Variants in INVS observed in about 807,000 individuals in gnomAD.
INVS encodes the protein inversion of embryo turning homolog.
A neutral mutation model predicts 108.8 loss-of-function variants in INVS; 86 were observed. That is an observed-to-expected ratio of 0.79 (90% confidence interval 0.66 to 0.95). INVS has a LOEUF of 0.95. Ranked by LOEUF, INVS falls within the 40% of genes least tolerant of loss-of-function variation. INVS has a pLI of 0.00. For missense variants in INVS, 1,169 were observed against 1,297.4 expected (o/e 0.90, Z 1.52); for synonymous variants, 455 against 473.5 (o/e 0.96, Z 0.51).
chr9:100,254,591 A>C (rs1235227320), intron 10 of INVS, among the ~76,000 whole-genome samples: 1 of 151,998 alleles, frequency 6.6e-6, no homozygotes, highest in Non-Finnish European at 1.5e-5. Flanking sequence ...ATTAATTTTT[A>C]TATAAGGTAT....
intron 3 of INVS, among the ~76,000 whole-genome samples, chr9:100,153,863 A>G (rs1474635467): frequency 1.3e-5 from 2 of 152,244 alleles, no homozygotes; most frequent in Non-Finnish European, 2.9e-5. Flanking sequence ...ATCCATTCAT[A>G]AGGGCAGAGC....
At chr9:100,192,377 T>C (rs1456214765) in intron 3 of INVS, among the ~76,000 whole-genome samples, 1 of 152,128 alleles carries the variant, frequency 6.6e-6, no homozygotes, top group Non-Finnish European at 1.5e-5. Context: ...TATCATAGCT[T>C]ATTCTTTCTC....
At chr9:100,239,925 T>C in intron 5 of INVS, 135 bp from the exon 6 acceptor site, 2 of 773,990 alleles carry the variant, frequency 2.6e-6, no homozygotes, top group Non-Finnish European at 4.4e-6. Flanking sequence ...GCTGTGATCA[T>C]GCCACTGTAC....
intron 2 of INVS, among the ~76,000 whole-genome samples, chr9:100,123,672 G>A (rs909901328): frequency 1.3e-5 from 2 of 152,100 alleles, no homozygotes; most frequent in Non-Finnish European, 2.9e-5. Flanking sequence ...ATGTTTTGAG[G>A]AACTTCCAGA....
intron 12 of INVS, among the ~76,000 whole-genome samples, chr9:100,274,507 G>T (rs1320633104): frequency 6.6e-6 from 1 of 151,430 alleles, no homozygotes; most frequent in African/African-American, 2.4e-5. Flanking sequence ...GATGTGGACA[G>T]GCAGATTCTT....
intron 5 of INVS, among the ~76,000 whole-genome samples, chr9:100,232,050 T>G (rs1050345753): frequency 2.0e-5 from 3 of 152,214 alleles, no homozygotes; most frequent in Non-Finnish European, 4.4e-5. Context: ...CCATTCTAAC[T>G]GGCATGAGAT....
intron 4 of INVS, among the ~76,000 whole-genome samples, chr9:100,227,078 AG>A (rs1471174464): frequency 6.6e-6 from 1 of 152,182 alleles, no homozygotes; most frequent in African/African-American, 2.4e-5. Context: ...GTATGGAAAA[AG>A]GTTAATAGGA....
intron 3 of INVS, among the ~76,000 whole-genome samples, chr9:100,165,508 A>G (rs12005926): frequency 0.21 from 31,953 of 152,074 alleles, 5,713 homozygotes; most frequent in African/African-American, 0.49. Context: ...CAGTTCATAT[A>G]GGAAAGGAAG....
Position 100,242,615 on chromosome 9 carries a change from G to T in INVS, c.842G>T (p.Gly281Val). The T allele has an allele frequency of 1.2e-6, 2 of 1,612,490 alleles. No homozygotes were observed. The highest frequency in any genetic ancestry group is 1.7e-6 in the Non-Finnish European group (2 of 1,178,768). Residue 281 changes from glycine (G) to valine (V), a missense_variant, in exon 7 of 17, where the codon GGA (glycine) becomes GTA (valine). By Grantham distance (109) the Gly-to-Val change is moderately radical. Around this residue, in one of 3 missense-constraint regions of INVS, gnomAD observed 365 missense variants for 397.5 expected, o/e 0.92. Transcript: ENST00000262457. ...CTCCTTTTAGAAAGAAATAAGTCTG[G>T]AACTATCCCATCTGACAGCCAAGGA... is the stretch of plus-strand genomic sequence containing the variant. Reference protein sequence around the residue: ...VHLLLERNKSGTIPSDSQGAT... With the variant: ...VHLLLERNKSVTIPSDSQGAT...
In INVS at chr9:100,100,924, A is replaced by C. The variant is rs1410548806; in HGVS notation, c.-25+1508A>C. The stretch of plus-strand genomic sequence containing the variant: ...ATATGTATATATATTATATGTATAT[A>C]TATAATATATATAATATATATACAT... On this transcript the variant is annotated intron_variant, in intron 1 of 16. Coordinates refer to ENST00000262457, the MANE Select transcript of INVS (RefSeq NM_014425.5). 8.8e-5 allele frequency among the ~76,000 whole-genome samples: 3 copies of C among 34,134 alleles called. No homozygotes were observed. The Admixed American group carries it at 1.6e-3, about 18-fold the overall frequency. 22.4% of individuals were successfully genotyped at this position (34,134 alleles called of 152,430 possible).
At chr9:100,209,409 C>G (rs1395769991) in intron 3 of INVS, among the ~76,000 whole-genome samples, 1 of 152,088 alleles carries the variant, frequency 6.6e-6, no homozygotes, top group Non-Finnish European at 1.5e-5. Context: ...AGGAAAAATT[C>G]AGTGATTTGC....
At position 100,142,650 on chromosome 9, in the gene INVS, CAG is replaced by C. The variant is rs371292964; in HGVS notation, c.273+16106_273+16107del. On this transcript the variant is annotated intron_variant, in intron 3 of 16. Coordinates refer to ENST00000262457, the MANE Select transcript of INVS (RefSeq NM_014425.5). ...GAATATAGCTGAAGGAGCCAGGGAG[CAG>C]AGAGTATATGCATCAGGTATGAGGA... is the stretch of plus-strand genomic sequence containing the variant. Among the ~76,000 whole-genome samples the C allele has an allele frequency of 2.1e-3, 314 of 152,164 alleles. 2 individuals are homozygous for C. Among genetic ancestry groups the C allele is most frequent in the African/African-American group, 7.2e-3 (300 of 41,494 alleles).
At chr9:100,172,405 A>G in intron 3 of INVS, among the ~76,000 whole-genome samples, 1 of 152,214 alleles carries the variant, frequency 6.6e-6, no homozygotes, top group East Asian at 1.9e-4. Flanking sequence ...TTCTGGATAC[A>G]GTTTAATATC....
At chr9:100,248,457 G>A (rs1832116891) in intron 8 of INVS, among the ~76,000 whole-genome samples, 2 of 149,888 alleles carry the variant, frequency 1.3e-5, no homozygotes, top group South Asian at 2.1e-4. Flanking sequence ...GTTCCTCTCC[G>A]TCATCCCTCT....
intron 7 of INVS, among the ~76,000 whole-genome samples, chr9:100,244,443 G>A (rs892938746): frequency 6.6e-6 from 1 of 152,116 alleles, no homozygotes; most frequent in African/African-American, 2.4e-5. Flanking sequence ...CTTGCTCATG[G>A]TCTTGAACCC....
At chr9:100,235,403 G>A (rs1831654789) in intron 5 of INVS, among the ~76,000 whole-genome samples, 1 of 152,138 alleles carries the variant, frequency 6.6e-6, no homozygotes. Context: ...ATTTGATCCT[G>A]TTATCATGAT....
intron 10 of INVS, among the ~76,000 whole-genome samples, chr9:100,258,269 C>G (rs185507043): frequency 6.6e-6 from 1 of 152,118 alleles, no homozygotes; most frequent in African/African-American, 2.4e-5. Flanking sequence ...CATTTAAGGT[C>G]GTTTCTATGC....
intron 3 of INVS, among the ~76,000 whole-genome samples, chr9:100,206,148 A>G (rs929764358): frequency 2.6e-5 from 4 of 152,164 alleles, no homozygotes; most frequent in African/African-American, 7.2e-5. Flanking sequence ...AATATTAAGT[A>G]AGGCATGAGT....
At chr9:100,142,329 G>C (rs1286069570) in intron 3 of INVS, among the ~76,000 whole-genome samples, 1 of 152,206 alleles carries the variant, frequency 6.6e-6, no homozygotes, top group African/African-American at 2.4e-5. Context: ...TCGGCTTGCT[G>C]AGAGGTAGTG....
Sources: gnomAD v4.1 joint callset for allele counts (sites outside exome capture counted in the v4.1 genomes callset) on GRCh38, gnomAD v4.1.1 for gene constraint, gnomAD v4.1.1 regional missense constraint, MANE v1.5 for transcripts, NCBI Gene and HGNC (gene_info 2026-07-23, HGNC 2026-07-21) for gene names.